The following LRBA variants were observed in gnomAD, a reference collection of about 807,000 sequenced individuals.
LRBA encodes lipopolysaccharide-responsive and beige-like anchor protein.
LRBA carries 176 observed loss-of-function variants against 330.0 expected under a neutral mutation model. The observed-to-expected ratio is 0.53, with a 90% CI of 0.47 to 0.60. LRBA has a LOEUF of 0.60. Ranked by LOEUF, LRBA falls within the 20% of genes least tolerant of loss-of-function variation. The pLI, the probability that LRBA is intolerant of heterozygous loss-of-function variation, is 0.00. For synonymous variants in LRBA, 1,230 were observed against 1,193.0 expected (o/e 1.03, Z -0.64); for missense variants, 3,259 against 3,444.8 (o/e 0.95, Z 1.35).
At position 150,778,137 on chromosome 4, in the gene LRBA, T is replaced by C. The variant is rs192188118; in HGVS notation, c.5581-16290A>G. Among the ~76,000 whole-genome samples, 232 of 152,252 alleles carry C rather than the reference T, an allele frequency of 1.5e-3. 1 individual carries two copies. The highest frequency in any genetic ancestry group is 5.2e-3 in the African/African-American group (217 of 41,564). ...TCTAACACAAACTTAAATAATCACA[T>C]ACCACAAAAGAATATAGTGTAACAA... On this transcript the variant is annotated intron_variant, in intron 34 of 56. Coordinates refer to ENST00000651943, the MANE Select transcript of LRBA (RefSeq NM_001364905.1).
chr4:150,717,030 G>A (rs1728289527), intron 36 of LRBA, among the ~76,000 whole-genome samples: 1 of 152,136 alleles, frequency 6.6e-6, no homozygotes, highest in Non-Finnish European at 1.5e-5. Flanking sequence ...CTTAATAGAT[G>A]ACGTTAGGCC....
At chr4:150,505,510 T>A (rs574110014) in intron 40 of LRBA, among the ~76,000 whole-genome samples, 96 of 152,230 alleles carry the variant, frequency 6.3e-4, no homozygotes, top group African/African-American at 2.3e-3. Context: ...AAGGCAGAAA[T>A]AAAGATGTTC....
intron 37 of LRBA, among the ~76,000 whole-genome samples, chr4:150,675,335 C>A (rs1234582107): frequency 1.3e-5 from 2 of 152,194 alleles, no homozygotes; most frequent in Non-Finnish European, 2.9e-5. Flanking sequence ...TTTTAAAGCT[C>A]TAGTTTCTTC....
chr4:150,533,252 C>T (rs1764243339), intron 40 of LRBA, among the ~76,000 whole-genome samples: 1 of 152,094 alleles, frequency 6.6e-6, no homozygotes, highest in African/African-American at 2.4e-5. Context: ...AAGATCACTG[C>T]TCATCACAGC....
chr4:150,436,030 T>C (rs1751065463), intron 45 of LRBA, among the ~76,000 whole-genome samples: 1 of 152,146 alleles, frequency 6.6e-6, no homozygotes, highest in African/African-American at 2.4e-5. Flanking sequence ...AATAGTCCAG[T>C]ATGTAGTTTT....
chr4:150,576,958 T>C (rs1770622982), intron 40 of LRBA, among the ~76,000 whole-genome samples: 1 of 151,802 alleles, frequency 6.6e-6, no homozygotes, highest in Non-Finnish European at 1.5e-5. Flanking sequence ...ATTAAGGCTA[T>C]TTTGTGAGGG....
At chr4:150,994,517 C>A (rs576151622) in intron 2 of LRBA, among the ~76,000 whole-genome samples, 1 of 152,112 alleles carries the variant, frequency 6.6e-6, no homozygotes, top group African/African-American at 2.4e-5. Flanking sequence ...AAAAGTAAGT[C>A]CCTACTTTTA....
intron 2 of LRBA, among the ~76,000 whole-genome samples, chr4:151,010,536 A>G (rs1036027111): frequency 6.6e-6 from 1 of 151,966 alleles, no homozygotes; most frequent in South Asian, 2.1e-4. Context: ...AAAGTAATTT[A>G]TAACAGACTA....
chr4:150,546,287 A>G (rs887752179), intron 40 of LRBA, among the ~76,000 whole-genome samples: 3 of 152,206 alleles, frequency 2.0e-5, no homozygotes, highest in Admixed American at 2.0e-4. Context: ...GTTTAGTATC[A>G]TATTTAAAAC....
At chr4:150,954,061 G>A (rs1251156282) in intron 2 of LRBA, among the ~76,000 whole-genome samples, 1 of 149,148 alleles carries the variant, frequency 6.7e-6, no homozygotes, top group Non-Finnish European at 1.5e-5. Context: ...ACCCCGTCTG[G>A]GAAGTGAGAA....
chr4:150,816,597 G>C (rs1744627919), intron 31 of LRBA, among the ~76,000 whole-genome samples: 1 of 151,784 alleles, frequency 6.6e-6, no homozygotes, highest in South Asian at 2.1e-4. Flanking sequence ...AAATGAACCA[G>C]TATGACCATT....
chr4:150,875,744 A>G (rs1018094041), intron 17 of LRBA, among the ~76,000 whole-genome samples: 1 of 152,208 alleles, frequency 6.6e-6, no homozygotes, highest in African/African-American at 2.4e-5. Context: ...AAAATCTTAA[A>G]AGCATGAAAA....
intron 37 of LRBA, among the ~76,000 whole-genome samples, chr4:150,610,308 G>C (rs1360875325): frequency 6.6e-6 from 1 of 152,164 alleles, no homozygotes; most frequent in South Asian, 2.1e-4. Context: ...GAGCAGCTGA[G>C]GCCAGGTGTG....
chr4:150,746,576 T>C (rs890774164), intron 35 of LRBA, among the ~76,000 whole-genome samples: 43 of 150,880 alleles, frequency 2.8e-4, no homozygotes, highest in African/African-American at 1.0e-3. Context: ...AGTGGCATGA[T>C]CTCGGTTCAC....
intron 37 of LRBA, among the ~76,000 whole-genome samples, chr4:150,608,414 C>T (rs1489211044): frequency 6.6e-6 from 1 of 152,090 alleles, no homozygotes; most frequent in Non-Finnish European, 1.5e-5. Flanking sequence ...AGGGAAGTAA[C>T]AGTGCCTTAC....
rs1022375010 is a variant in LRBA, at chr4:150,867,877, G to A, written c.2574-14C>T. 2.5e-6 allele frequency: 4 copies of A among 1,590,954 alleles called. No individual in the cohort carries two copies. Among genetic ancestry groups the A allele is most frequent in the Middle Eastern group, 1.8e-4 (1 of 5,672 alleles). ...TGTAGCAAGCTCCTGAAAATTATGA[G>A]AGGGTACTAAATTACTGAAGAAAAA... On this transcript the variant is annotated splice_polypyrimidine_tract_variant and intron_variant, in intron 21 of 56. Coordinates refer to ENST00000651943, the MANE Select transcript of LRBA (RefSeq NM_001364905.1).
At chr4:150,880,363 C>T (rs764017316) in intron 17 of LRBA, among the ~76,000 whole-genome samples, 23 of 151,904 alleles carry the variant, frequency 1.5e-4, no homozygotes, top group Middle Eastern at 3.2e-3. Context: ...CTACAAAAAA[C>T]GCAAAAATCA....
intron 48 of LRBA, among the ~76,000 whole-genome samples, chr4:150,347,572 G>C (rs1313720780): frequency 6.6e-6 from 1 of 151,766 alleles, no homozygotes; most frequent in Non-Finnish European, 1.5e-5. Flanking sequence ...CTTGAACCCA[G>C]GAGGCGGAGG....
At chr4:150,948,823 A>AAC (rs895689687) in intron 2 of LRBA, among the ~76,000 whole-genome samples, 2 of 151,816 alleles carry the variant, frequency 1.3e-5, no homozygotes, top group African/African-American at 4.8e-5. Context: ...AAGACACATA[A>AAC]ACACACACAC....
Sources: allele counts gnomAD v4.1 joint callset (sites outside exome capture counted in the v4.1 genomes callset), GRCh38; gene constraint gnomAD v4.1.1; transcripts MANE v1.5; gene names NCBI Gene and HGNC (gene_info 2026-07-23, HGNC 2026-07-21).